The following DLG4 variants were observed in gnomAD, a reference collection of about 807,000 sequenced individuals.
The protein encoded by DLG4 is disks large homolog 4.
A neutral mutation model predicts 93.8 loss-of-function variants in DLG4; 7 were observed. The ratio of observed to expected loss-of-function variants is 0.07; its 90% CI spans 0.04 to 0.14. The LOEUF is 0.14. Among genes scored for constraint, DLG4 ranks in the 10% least tolerant of loss-of-function variants. The pLI is 1.00. For synonymous variants in DLG4, 341 were observed against 387.6 expected (o/e 0.88, Z 1.41); for missense variants, 545 against 992.9 (o/e 0.55, Z 6.06).
chr17:7,218,310 C>A, upstream of DLG4: 1 of 1,599,650 alleles, frequency 6.3e-7, no homozygotes, highest in South Asian at 1.1e-5. Flanking sequence ...TGAGTTACCT[C>A]CCCACCCCAG....
Position 7,193,884 on chromosome 17 carries a change from A to C in DLG4, c.1516-13T>G, listed in dbSNP as rs547798290. 7 of 1,612,252 alleles carry C rather than the reference A, an allele frequency of 4.3e-6. No individual in the cohort carries two copies. The South Asian group carries it at 7.7e-5, about 18-fold the overall frequency. On this transcript the variant is annotated splice_polypyrimidine_tract_variant and intron_variant, in intron 13 of 19. Transcript: ENST00000399506. The surrounding 1 kb of genome is among the most constrained non-coding windows in gnomAD (Gnocchi z 6.7). Reference sequence around the variant, plus strand: ...TGGAGCCCCAGTCCTAAGAAGAAAAAGCAGGCCACGGGGTTAGTTATGAGC... The same window carrying C: ...TGGAGCCCCAGTCCTAAGAAGAAAACGCAGGCCACGGGGTTAGTTATGAGC...
Position 7,196,786 on chromosome 17 carries a change from C to T in DLG4, c.1054G>A (p.Glu352Lys), listed in dbSNP as rs1410579119. 1 of 1,610,514 alleles carries T rather than the reference C, an allele frequency of 6.2e-7. No homozygotes were observed. Among genetic ancestry groups the T allele is most frequent in the East Asian group, 2.2e-5 (1 of 44,690 alleles). The change falls in exon 9 of 20, where the codon GAG (glutamate) becomes AAG (lysine). Residue 352 changes from glutamate (E) to lysine (K), a missense_variant. This residue lies in a region of DLG4 where 428 missense variants were observed against 741.4 expected (regional missense o/e 0.58). Coordinates refer to ENST00000399506, the MANE Select transcript of DLG4 (RefSeq NM_001321075.3). This position sits in a 1 kb window ranked among gnomAD's most constrained non-coding sequence, Gnocchi z 8.3. ...AGGATCTGGTCCCCCTTCCGCAGCT[C>T]CCCACTGAGGTCTGCAGGGCCCCCG... ...LAGGPADLSGELRKGDQILSV... is the reference protein window; with the variant it reads ...LAGGPADLSGKLRKGDQILSV...
At chr17:7,218,791 G>A (rs781265872), upstream of DLG4, 9 of 1,612,312 alleles carry the variant, frequency 5.6e-6, no homozygotes, top group Non-Finnish European at 6.8e-6. Flanking sequence ...CCCCCACTTC[G>A]CTCCCAGACC....
At chr17:7,213,104 T>C (rs1005444844) in intron 1 of DLG4, among the ~76,000 whole-genome samples, 11 of 146,800 alleles carry the variant, frequency 7.5e-5, no homozygotes, top group Non-Finnish European at 1.5e-4. Context: ...TCTTTTTTTT[T>C]TTTTTTTTTT....
intron 2 of DLG4, among the ~76,000 whole-genome samples, chr17:7,207,792 C>T (rs1239657182): frequency 6.6e-6 from 1 of 150,782 alleles, no homozygotes; most frequent in Non-Finnish European, 1.5e-5. Flanking sequence ...CAGGCACACA[C>T]ACAGCACACG....
At position 7,194,000 on chromosome 17, in the gene DLG4, C is replaced by T. The variant is rs1338263456; in HGVS notation, c.1479G>A (p.Arg493=). ...ACCTTGACCACTCTCGTCGCTCAAC[C>T]CTGTGGGATACATGGAGGGATACGC... ...DDIGFIPSKR[R]VERREWSRLK... The change falls in exon 13 of 20, where the codon CGG becomes CGA. Residue 493 remains arginine, a splice_region_variant and synonymous_variant. Coordinates refer to ENST00000399506, the MANE Select transcript of DLG4 (RefSeq NM_001321075.3). The surrounding 1 kb of genome is among the most constrained non-coding windows in gnomAD (Gnocchi z 6.7). 6.2e-7 allele frequency: 1 copy of T among 1,613,516 alleles called. No individual in the cohort carries two copies. The highest frequency in any genetic ancestry group is 8.5e-7 in the Non-Finnish European group (1 of 1,179,760).
chr17:7,207,777 A>G (rs539614881), intron 2 of DLG4, among the ~76,000 whole-genome samples: 46 of 151,434 alleles, frequency 3.0e-4, no homozygotes, highest in Admixed American at 2.8e-3. Context: ...GCATGCACAC[A>G]CGCACAGGCA....
Position 7,189,230 on chromosome 17 carries a change from G to A in DLG4, c.*1478C>T, listed in dbSNP as rs149042614. On this transcript the variant is annotated 3_prime_UTR_variant, in exon 20 of 20. Coordinates refer to ENST00000399506, the MANE Select transcript of DLG4 (RefSeq NM_001321075.3). The stretch of plus-strand genomic sequence containing the variant: ...TTCCAGGCCAGGCGCGGTGGCTCAC[G>A]CCTGTAATCCCAGCACTTTGGGAGG... 4.6e-3 allele frequency among the ~76,000 whole-genome samples: 702 copies of A among 151,744 alleles called. 21 individuals carry two copies. In the East Asian group the frequency reaches 0.061, roughly 13 times the overall value.
At chr17:7,219,370 T>G, upstream of DLG4, 2 of 1,008,512 alleles carry the variant, frequency 2.0e-6, no homozygotes, top group Non-Finnish European at 2.4e-6. Flanking sequence ...GAGGCTTTAC[T>G]AAGGGAGGGG....
At chr17:7,197,172 A>G in intron 8 of DLG4, 120 bp from the exon 9 acceptor site, 2 of 1,001,982 alleles carry the variant, frequency 2.0e-6, no homozygotes, top group Non-Finnish European at 1.4e-6. Flanking sequence ...TCTGCCAGAG[A>G]TGCCAGGGTG....
chr17:7,207,187 A>AG (rs1427932433), intron 2 of DLG4, among the ~76,000 whole-genome samples: 1 of 151,866 alleles, frequency 6.6e-6, no homozygotes, highest in African/African-American at 2.4e-5. Flanking sequence ...AAAAGAGGGA[A>AG]GGTGAAGATG....
chr17:7,207,942 G>T, intron 2 of DLG4: 70 of 511,194 alleles, frequency 1.4e-4, no homozygotes, highest in Middle Eastern at 7.0e-4. Flanking sequence ...AGGAGCCCAA[G>T]CCCCAAACCC....
Position 7,191,964 on chromosome 17 carries a change from C to A in DLG4, c.1905G>T (p.Val635=). ...HCILDVSANA[V]RRLQAAHLHP... ...GCAGGTGGGCCGCCTGCAGCCGCCG[C>A]ACGGCATTGGCCGAGACATCGAGGA... Residue 635 remains valine (V), a synonymous_variant, in exon 18 of 20, where the codon GTG becomes GTT. Transcript: ENST00000399506. The surrounding 1 kb of genome is among the most constrained non-coding windows in gnomAD (Gnocchi z 6.6). The A allele has an allele frequency of 6.8e-7, 1 of 1,481,358 alleles. No homozygotes were observed. Among genetic ancestry groups the A allele is most frequent in the Non-Finnish European group, 9.0e-7 (1 of 1,112,816 alleles). 91.8% of individuals were successfully genotyped at this position (1,481,358 alleles called of 1,614,324 possible).
At position 7,191,510 on chromosome 17, in the gene DLG4, G is replaced by A. The variant is rs998287675; in HGVS notation, c.1977-152C>T. Reference sequence around the variant, plus strand: ...CAATATCCTCTGGGGCCACAGATGAGAACCACCCCCCACCCCCCTGCCACC... The same window carrying A: ...CAATATCCTCTGGGGCCACAGATGAAAACCACCCCCCACCCCCCTGCCACC... On this transcript the variant is annotated intron_variant, in intron 18 of 19. Transcript: ENST00000399506. The surrounding 1 kb of genome is among the most constrained non-coding windows in gnomAD (Gnocchi z 6.6). 1.7e-5 allele frequency: 12 copies of A among 697,400 alleles called. No homozygotes were observed. The South Asian group carries it at 2.0e-4, about 11-fold the overall frequency. 43.2% of individuals were successfully genotyped at this position (697,400 alleles called of 1,614,324 possible). A position where few individuals can be genotyped will look rare whatever the true frequency, so the allele number is the denominator to read the frequency against.
chr17:7,210,132 C>T (rs1044910200), intron 1 of DLG4, among the ~76,000 whole-genome samples: 1 of 152,062 alleles, frequency 6.6e-6, no homozygotes, highest in African/African-American at 2.4e-5. Flanking sequence ...GCAGCAGCTG[C>T]GAGATCAAAT....
upstream of DLG4, chr17:7,218,811 C>A (rs367821648): frequency 1.4e-4 from 223 of 1,613,646 alleles, no homozygotes; most frequent in Non-Finnish European, 1.8e-4. Context: ...CTCCCCTCCA[C>A]AAGGAGCCCT....
chr17:7,202,786 G>T, intron 8 of DLG4, 117 bp downstream of exon 8: 1 of 1,275,412 alleles, frequency 7.8e-7, no homozygotes, highest in Non-Finnish European at 1.1e-6. Flanking sequence ...ATCAGAGGTT[G>T]TGGCTATTTC....
intron 1 of DLG4, among the ~76,000 whole-genome samples, chr17:7,214,685 A>T (rs937422063): frequency 6.6e-6 from 1 of 152,084 alleles, no homozygotes; most frequent in African/African-American, 2.4e-5. Context: ...CCGGCCCTCC[A>T]GTCCGCCACG....
intron 1 of DLG4, among the ~76,000 whole-genome samples, chr17:7,214,736 CA>C (rs2070837688): frequency 6.6e-6 from 1 of 152,328 alleles, no homozygotes; most frequent in African/African-American, 2.4e-5. Flanking sequence ...ACGGCGGCAG[CA>C]GCGCGGGGAA....
Sources: allele counts gnomAD v4.1 joint callset (sites outside exome capture counted in the v4.1 genomes callset), GRCh38; gene constraint gnomAD v4.1.1; regional missense constraint gnomAD v4.1.1; non-coding constraint Gnocchi (gnomAD v3.1); transcripts MANE v1.5; gene names NCBI Gene and HGNC (gene_info 2026-07-23, HGNC 2026-07-21).